The following CROT variants were observed in gnomAD, a reference collection of about 807,000 sequenced individuals.
CROT encodes carnitine O-octanoyltransferase, also known as peroxisomal carnitine O-octanoyltransferase.
In CROT, 84 loss-of-function variants were observed where a neutral mutation model predicts 89.2. That is an observed-to-expected ratio of 0.94 (90% CI 0.79 to 1.13). The LOEUF (loss-of-function observed/expected upper bound fraction) is 1.13. CROT is among the 50% of genes most tolerant of loss of function. The probability of loss-of-function intolerance (pLI) is 0.00; values close to 1 mark genes in which losing one functional copy is unlikely to be tolerated. For missense variants in CROT, 711 were observed against 727.8 expected (o/e 0.98, Z 0.27); for synonymous variants, 212 against 239.5 (o/e 0.89, Z 1.06).
intron 3 of CROT, among the ~76,000 whole-genome samples, chr7:87,353,946 T>A (rs868330179): frequency 6.6e-6 from 1 of 152,216 alleles, no homozygotes; most frequent in African/African-American, 2.4e-5. Context: ...GAGTTCATGG[T>A]GTGACTAAAA....
At chr7:87,351,964 C>T (rs1233031198) in intron 3 of CROT, among the ~76,000 whole-genome samples, 4 of 152,198 alleles carry the variant, frequency 2.6e-5, no homozygotes, top group South Asian at 2.1e-4. Context: ...CCTTGCCTTA[C>T]GTGATCTTAG....
Position 87,381,893 on chromosome 7 carries a change from GT to G in CROT, c.979-16del. 1 of 1,560,028 alleles carries G rather than the reference GT, an allele frequency of 6.4e-7. No homozygotes were observed. The highest frequency in any genetic ancestry group is 1.2e-5 in the South Asian group (1 of 85,088). On this transcript the variant is annotated splice_polypyrimidine_tract_variant and intron_variant, in intron 10 of 17. Transcript: ENST00000331536. ...TTGACATAAAGTATTCAGAAATCTTGTGTGTTCTCATTTTAGCATGCTCCTT... is the reference window on the plus strand; with the variant it reads ...TTGACATAAAGTATTCAGAAATCTTGGTGTTCTCATTTTAGCATGCTCCTT...
intron 12 of CROT, 38 bp from the exon 13 acceptor site, chr7:87,382,375 G>T (rs761795351): frequency 1.2e-6 from 2 of 1,600,076 alleles, no homozygotes; most frequent in Admixed American, 1.7e-5. Context: ...TTCTCCTTAG[G>T]TGATTTTTCA....
At chr7:87,377,547 T>G in intron 10 of CROT, 97 bp downstream of exon 10, 3 of 686,668 alleles carry the variant, frequency 4.4e-6, no homozygotes, top group Non-Finnish European at 7.4e-6. Context: ...TGTAAGTGAA[T>G]AGTAATTTAG....
In CROT at chr7:87,392,581, C is replaced by A. The variant is rs1201120371; in HGVS notation, c.1441C>A (p.Gln481Lys). 1 of 1,613,078 alleles carries A rather than the reference C, an allele frequency of 6.2e-7. No homozygotes were observed. Among genetic ancestry groups the A allele is most frequent in the African/African-American group, 1.3e-5 (1 of 74,824 alleles). ...DPSVNLRERQQKMLQAFAKHN... is the reference protein window; with the variant it reads ...DPSVNLRERQKKMLQAFAKHN... ...TTTAATACAGCTTCGTGAGCGGCAG[C>A]AAAAGATGTTACAAGCTTTTGCAAA... The change falls in exon 15 of 18, where the codon CAA (glutamine) becomes AAA (lysine). Residue 481 changes from glutamine to lysine, a missense_variant. Coordinates refer to ENST00000331536, the MANE Select transcript of CROT (RefSeq NM_021151.4).
chr7:87,360,531 G>A (rs1806234331), intron 4 of CROT, among the ~76,000 whole-genome samples: 1 of 152,132 alleles, frequency 6.6e-6, no homozygotes, highest in African/African-American at 2.4e-5. Context: ...TGTAGAGATA[G>A]GGTTTTGCCA....
chr7:87,357,458 C>A, intron 3 of CROT: 2 of 1,550,896 alleles, frequency 1.3e-6, no homozygotes, highest in South Asian at 1.2e-5. Context: ...TAGTGCTGTG[C>A]AGGCTGAATC....
chr7:87,393,147 CTG>C (rs1807423922), intron 17 of CROT, 80 bp downstream of exon 17: 4 of 1,429,316 alleles, frequency 2.8e-6, no homozygotes, highest in African/African-American at 1.4e-5. Flanking sequence ...CTTTCCTACA[CTG>C]TGATTCTTAT....
chr7:87,382,641 C>T, intron 13 of CROT, 98 bp downstream of exon 13: 3 of 1,258,806 alleles, frequency 2.4e-6, no homozygotes, highest in Non-Finnish European at 3.3e-6. Context: ...TTTTTGCTCA[C>T]TTTTTTCCCA....
chr7:87,352,407 A>G (rs1392668686), intron 3 of CROT, among the ~76,000 whole-genome samples: 1 of 152,244 alleles, frequency 6.6e-6, no homozygotes, highest in African/African-American at 2.4e-5. Context: ...TTTCTAGGCC[A>G]GATGGGAATG....
In CROT at chr7:87,374,271, C is replaced by T. The variant is rs370361320; in HGVS notation, c.657-1361C>T. Reference sequence around the variant, plus strand: ...CCAAATCTGTATCTCTTAATGGTGGCGATTTGGGCAGTTATGTGACCTTTT... The same window carrying T: ...CCAAATCTGTATCTCTTAATGGTGGTGATTTGGGCAGTTATGTGACCTTTT... On this transcript the variant is annotated intron_variant, in intron 7 of 17. Transcript: ENST00000331536. Among the ~76,000 whole-genome samples, 6 of 152,026 alleles carry T rather than the reference C, an allele frequency of 3.9e-5. No homozygotes were observed. The East Asian group carries it at 7.7e-4, about 20-fold the overall frequency.
intron 4 of CROT, chr7:87,359,703 G>T: frequency 2.0e-6 from 2 of 1,023,962 alleles, no homozygotes; most frequent in South Asian, 7.9e-5. Flanking sequence ...ATGTCACATA[G>T]GTGGCATAGA....
intron 3 of CROT, among the ~76,000 whole-genome samples, chr7:87,358,689 A>G (rs1270341855): frequency 1.3e-5 from 2 of 152,046 alleles, no homozygotes; most frequent in African/African-American, 4.8e-5. Context: ...CTTCATCCTG[A>G]TGGTTTTCAT....
rs201754021 is a variant in CROT at position 87,381,958 on chromosome 7, G to A, written c.1027G>A (p.Asp343Asn). The change falls in exon 11 of 18, where the codon GAT (aspartate) becomes AAT (asparagine). Residue 343 changes from aspartate (D) to asparagine (N), a missense_variant. Coordinates refer to ENST00000331536, the MANE Select transcript of CROT (RefSeq NM_021151.4). ...TATGGTGAACATCAGTTATTATGTG[G>A]ATGAGAAAATTTTTCAGAATGAAGG... is the stretch of plus-strand genomic sequence containing the variant. The part of the protein sequence containing the change: ...MIMVNISYYV[D>N]EKIFQNEGRW... The A allele has an allele frequency of 7.4e-5, 120 of 1,611,074 alleles. No homozygotes were observed. The Middle Eastern group carries it at 8.3e-4, about 11-fold the overall frequency.
chr7:87,389,861 C>T (rs1309575190), intron 13 of CROT, among the ~76,000 whole-genome samples: 1 of 152,008 alleles, frequency 6.6e-6, no homozygotes. Flanking sequence ...TTGCCAGAAA[C>T]TAGCTCATCA....
intron 17 of CROT, 84 bp from the exon 18 acceptor site, chr7:87,398,440 C>A: frequency 6.8e-7 from 1 of 1,477,576 alleles, no homozygotes; most frequent in Non-Finnish European, 9.4e-7. Flanking sequence ...TATGAATATC[C>A]AGATGAAATA....
intron 10 of CROT, among the ~76,000 whole-genome samples, chr7:87,380,274 A>G (rs898758285): frequency 6.6e-6 from 1 of 152,290 alleles, no homozygotes; most frequent in Non-Finnish European, 1.5e-5. Flanking sequence ...AGTCAACTAT[A>G]TTGTCTTCTC....
intron 17 of CROT, 31 bp from the exon 18 acceptor site, chr7:87,398,493 G>GTAATCAT: frequency 6.2e-7 from 1 of 1,611,550 alleles, no homozygotes. Context: ...AGCCTTTTGT[G>GTAATCAT]TAATCATTAA....
rs73707359 is a variant in CROT, at chr7:87,346,588, A to G, written c.-22+158A>G. Among the ~76,000 whole-genome samples the G allele has an allele frequency of 1.8e-3, 269 of 152,330 alleles. 2 individuals carry two copies. The highest frequency in any genetic ancestry group is 6.1e-3 in the African/African-American group (252 of 41,568). ...TTATTTAACTTAATCTTTGTGGTTGAGAATTCAAGAAAACTCTTCAAGAAA... is the reference window on the plus strand; with the variant it reads ...TTATTTAACTTAATCTTTGTGGTTGGGAATTCAAGAAAACTCTTCAAGAAA... On this transcript the variant is annotated intron_variant, in intron 2 of 17. Coordinates refer to ENST00000331536, the MANE Select transcript of CROT (RefSeq NM_021151.4).
Sources: gnomAD v4.1 joint callset for allele counts (sites outside exome capture counted in the v4.1 genomes callset) on GRCh38, gnomAD v4.1.1 for gene constraint, MANE v1.5 for transcripts, NCBI Gene and HGNC (gene_info 2026-07-23, HGNC 2026-07-21) for gene names.